IDE: variants seen among roughly 807,000 people sequenced by gnomAD.
The protein encoded by IDE is insulin degrading enzyme.
In IDE, 58 loss-of-function variants were observed where a neutral mutation model predicts 133.2. That is an observed-to-expected ratio of 0.44 (90% CI 0.35 to 0.54). IDE has a LOEUF of 0.54. Ranked by LOEUF, IDE falls within the 20% of genes least tolerant of loss-of-function variation. IDE has a pLI of 0.00. For missense variants in IDE, 981 were observed against 1,234.0 expected (o/e 0.79, Z 3.07); for synonymous variants, 396 against 421.3 (o/e 0.94, Z 0.73).
Position 92,508,107 on chromosome 10 carries a change from A to G in IDE, c.1153+6T>C. On this transcript the variant is annotated splice_donor_region_variant and intron_variant, in intron 8 of 24. Coordinates refer to ENST00000265986, the MANE Select transcript of IDE (RefSeq NM_004969.4). ...TTCAAAAGTAAAAAGGTGAATCAAT[A>G]CTTACATAATCCTTCCTCGGTCAAG... 6.3e-7 allele frequency: 1 copy of G among 1,592,204 alleles called. No individual in the cohort carries two copies. The highest frequency in any genetic ancestry group is 8.6e-7 in the Non-Finnish European group (1 of 1,163,132).
chr10:92,530,260 C>T (rs1372109861), intron 4 of IDE, among the ~76,000 whole-genome samples: 4 of 148,552 alleles, frequency 2.7e-5, no homozygotes, highest in African/African-American at 9.8e-5. Context: ...AAATAAATAA[C>T]CATTTGAATG....
chr10:92,501,187 C>T (rs942105611), intron 11 of IDE, among the ~76,000 whole-genome samples: 2 of 148,832 alleles, frequency 1.3e-5, no homozygotes, highest in African/African-American at 5.0e-5. Flanking sequence ...TAGTGAGACT[C>T]TCTCTCTACA....
chr10:92,516,928 A>T (rs944408694), intron 4 of IDE, among the ~76,000 whole-genome samples: 2 of 152,204 alleles, frequency 1.3e-5, no homozygotes, highest in African/African-American at 4.8e-5. Flanking sequence ...CAAATTAGGG[A>T]CTGGGAGATG....
chr10:92,525,349 C>CA (rs1175841065), intron 4 of IDE, among the ~76,000 whole-genome samples: 2 of 152,204 alleles, frequency 1.3e-5, no homozygotes, highest in African/African-American at 2.4e-5. Context: ...AACATCACTT[C>CA]ATGATAAACG....
intron 1 of IDE, among the ~76,000 whole-genome samples, chr10:92,540,004 G>C (rs992964946): frequency 6.6e-6 from 1 of 152,156 alleles, no homozygotes; most frequent in African/African-American, 2.4e-5. Flanking sequence ...CACTTCGGGA[G>C]ACTGAGGCGG....
rs951087436 is a variant in IDE, at chr10:92,461,175, T to A, written c.2823+16A>T. 2.5e-6 allele frequency: 3 copies of A among 1,216,100 alleles called. No individual in the cohort carries two copies. The highest frequency in any genetic ancestry group is 3.7e-6 in the Non-Finnish European group (3 of 820,102). The allele number at this position is 1,216,100 out of a possible 1,614,324, so 75.3% of individuals were successfully genotyped here. On this transcript the variant is annotated intron_variant, in intron 22 of 24. Coordinates refer to ENST00000265986, the MANE Select transcript of IDE (RefSeq NM_004969.4). ...TTTCATATCAGTCAAAATCTAAATA[T>A]ATGAATTTGACTTACCTTGTAGAAT...
chr10:92,559,882 C>T (rs1251493399), intron 1 of IDE, among the ~76,000 whole-genome samples: 1 of 151,862 alleles, frequency 6.6e-6, no homozygotes, highest in Non-Finnish European at 1.5e-5. Flanking sequence ...AGATTACTGG[C>T]ACGTGCCTCC....
chr10:92,505,077 A>T (rs1237711395), intron 10 of IDE, among the ~76,000 whole-genome samples, 180 bp from the exon 11 acceptor site: 1 of 152,194 alleles, frequency 6.6e-6, no homozygotes, highest in East Asian at 1.9e-4. Context: ...CCACATTGTT[A>T]AGCAGTTTCA....
At chr10:92,454,613 G>T in intron 24 of IDE, 74 bp from the exon 25 acceptor site, 2 of 1,025,498 alleles carry the variant, frequency 2.0e-6, no homozygotes, top group Non-Finnish European at 1.5e-6. Context: ...TTTTTTGGCG[G>T]ACACTGGGAG....
chr10:92,477,436 C>A (rs1016121840), intron 15 of IDE, among the ~76,000 whole-genome samples: 11 of 152,168 alleles, frequency 7.2e-5, no homozygotes, highest in African/African-American at 2.7e-4. Flanking sequence ...GGATTACAGG[C>A]GTGAGCCACC....
chr10:92,514,167 C>T (rs980954692), intron 5 of IDE, among the ~76,000 whole-genome samples: 4 of 152,056 alleles, frequency 2.6e-5, no homozygotes, highest in Non-Finnish European at 5.9e-5. Context: ...ACTTTTAAGA[C>T]TGATACTGTT....
intron 5 of IDE, among the ~76,000 whole-genome samples, chr10:92,512,458 T>A (rs1256523542): frequency 6.6e-6 from 1 of 152,082 alleles, no homozygotes; most frequent in Non-Finnish European, 1.5e-5. Context: ...ACCAAGAACA[T>A]TCTGAGGACA....
At chr10:92,457,616 G>A (rs1845101197) in intron 22 of IDE, among the ~76,000 whole-genome samples, 1 of 152,100 alleles carries the variant, frequency 6.6e-6, no homozygotes, top group Non-Finnish European at 1.5e-5. Flanking sequence ...CTTTTCTAAA[G>A]GGGTACAAAA....
intron 2 of IDE, among the ~76,000 whole-genome samples, 155 bp downstream of exon 2, chr10:92,537,211 C>T (rs1255123845): frequency 1.3e-5 from 2 of 152,156 alleles, no homozygotes; most frequent in Non-Finnish European, 2.9e-5. Flanking sequence ...GAAACAACTG[C>T]AGTTTACCAA....
chr10:92,478,849 A>C (rs1223321035), intron 15 of IDE: 1 of 952,248 alleles, frequency 1.1e-6, no homozygotes, highest in Admixed American at 3.9e-5. Context: ...ATGGTAATGA[A>C]GAAACATGAC....
At chr10:92,458,490 G>GTTTTGTTT in intron 22 of IDE, among the ~76,000 whole-genome samples, 1 of 83,884 alleles carries the variant, frequency 1.2e-5, no homozygotes, top group South Asian at 3.3e-4. Context: ...TACTCTCTCT[G>GTTTTGTTT]TTTTTTTTTT....
At chr10:92,513,166 T>C (rs1433130865) in intron 5 of IDE, among the ~76,000 whole-genome samples, 1 of 152,154 alleles carries the variant, frequency 6.6e-6, no homozygotes, top group Non-Finnish European at 1.5e-5. Context: ...ACACCATATA[T>C]GGTATATTAG....
At chr10:92,519,152 CTGAG>C (rs1337699141) in intron 4 of IDE, among the ~76,000 whole-genome samples, 1 of 152,128 alleles carries the variant, frequency 6.6e-6, no homozygotes, top group Non-Finnish European at 1.5e-5. Context: ...CTCTTGGCTT[CTGAG>C]TGAATCATTA....
intron 4 of IDE, among the ~76,000 whole-genome samples, chr10:92,525,692 G>T (rs762554183): frequency 7.0e-6 from 1 of 142,572 alleles, no homozygotes. Flanking sequence ...AAAGTTGCAG[G>T]ATACAAAAGT....
Sources: gnomAD v4.1 joint callset for allele counts (sites outside exome capture counted in the v4.1 genomes callset) on GRCh38, gnomAD v4.1.1 for gene constraint, MANE v1.5 for transcripts, NCBI Gene and HGNC (gene_info 2026-07-23, HGNC 2026-07-21) for gene names.